AVEN: variants seen among roughly 807,000 people sequenced by gnomAD.
The protein encoded by AVEN is cell death regulator Aven.
A neutral mutation model predicts 38.1 loss-of-function variants in AVEN; 41 were observed. The observed-to-expected ratio is 1.08, with a 90% CI of 0.84 to 1.40. The LOEUF is 1.40. Ranked by LOEUF, AVEN falls within the 40% of genes most tolerant of loss-of-function variation. AVEN has a pLI of 0.00. For missense variants in AVEN, 605 were observed against 438.8 expected (o/e 1.38, Z -3.38); for synonymous variants, 206 against 171.8 (o/e 1.20, Z -1.56).
intron 1 of AVEN, among the ~76,000 whole-genome samples, chr15:34,024,003 G>GTT (rs1359538813): frequency 2.6e-5 from 4 of 152,112 alleles, no homozygotes; most frequent in Non-Finnish European, 2.9e-5. Flanking sequence ...GGTTTTAATC[G>GTT]TAACAGGAAA....
chr15:33,997,823 G>A (rs890786637), intron 2 of AVEN, among the ~76,000 whole-genome samples: 3 of 151,846 alleles, frequency 2.0e-5, no homozygotes, highest in African/African-American at 2.4e-5. Context: ...CCTTCCGTCC[G>A]GTCTTTCTGG....
At chr15:34,036,469 T>C (rs142960399) in intron 1 of AVEN, among the ~76,000 whole-genome samples, 31 of 152,314 alleles carry the variant, frequency 2.0e-4, no homozygotes, top group Admixed American at 1.6e-3. Flanking sequence ...TACTCTCTCC[T>C]TGGGGCACAA....
chr15:33,860,819 C>G (rs1238749041), intron 11 of AVEN, among the ~76,000 whole-genome samples: 1 of 150,876 alleles, frequency 6.6e-6, no homozygotes, highest in Non-Finnish European at 1.5e-5. Context: ...ATACCCCTGC[C>G]AGGCCGGCCA....
At chr15:34,037,395 T>C (rs1597377831) in intron 1 of AVEN, among the ~76,000 whole-genome samples, 1 of 151,718 alleles carries the variant, frequency 6.6e-6, no homozygotes, top group African/African-American at 2.4e-5. Context: ...TTGATATAAA[T>C]CCCAGCTCTG....
At chr15:33,930,685 G>A (rs147193274) in intron 2 of AVEN, among the ~76,000 whole-genome samples, 404 of 152,314 alleles carry the variant, frequency 2.7e-3, no homozygotes, top group African/African-American at 9.2e-3. Flanking sequence ...GCCGGGCGCG[G>A]TGGCTCACGC....
Position 34,063,653 on chromosome 15 carries a change from G to A in AVEN, n.1127-221C>T, listed in dbSNP as rs1435110267. ...GCAGCTACCCTTCCTCAGAGGATGA[G>A]GACAAGCCCGCCACTGACCCTGTCC... On this transcript the variant is annotated intron_variant and non_coding_transcript_variant, in intron 4 of 11. Coordinates refer to the AVEN transcript ENST00000675287. This position sits in a 1 kb window ranked among gnomAD's most constrained non-coding sequence, Gnocchi z 4.1. 1 of 1,614,130 alleles carries A rather than the reference G, an allele frequency of 6.2e-7. No homozygotes were observed. Among genetic ancestry groups the A allele is most frequent in the East Asian group, 2.2e-5 (1 of 44,868 alleles).
intron 5 of AVEN, 98 bp downstream of exon 5, chr15:33,867,397 A>G: frequency 6.9e-7 from 1 of 1,456,074 alleles, no homozygotes; most frequent in South Asian, 1.4e-5. Flanking sequence ...GATCAATGTC[A>G]GACACCCAGA....
In AVEN at chr15:33,870,916, A is replaced by G; in HGVS notation, c.612+19T>C. ...CCTGCCCTAATCCACCCGCTTCAAG[A>G]GGGCTTCGGGATTTTTACCTGGACC... On this transcript the variant is annotated intron_variant, in intron 4 of 5. Coordinates refer to ENST00000306730, the MANE Select transcript of AVEN (RefSeq NM_020371.3). 6.3e-7 allele frequency: 1 copy of G among 1,595,690 alleles called. No individual in the cohort carries two copies. The highest frequency in any genetic ancestry group is 8.6e-7 in the Non-Finnish European group (1 of 1,164,872).
chr15:33,936,439 CAA>C, intron 2 of AVEN, among the ~76,000 whole-genome samples: 1 of 152,058 alleles, frequency 6.6e-6, no homozygotes, highest in Non-Finnish European at 1.5e-5. Flanking sequence ...TAAAATATGT[CAA>C]AGACTCATGG....
intron 1 of AVEN, among the ~76,000 whole-genome samples, 159 bp downstream of exon 1, chr15:34,038,621 G>T (rs1352599827): frequency 7.2e-4 from 2 of 2,778 alleles, no homozygotes; most frequent in African/African-American, 8.6e-4. Flanking sequence ...GCCACCAGGC[G>T]CGCCCCCGCG....
intron 2 of AVEN, among the ~76,000 whole-genome samples, chr15:33,887,849 A>G (rs146487492): frequency 1.4e-4 from 21 of 152,254 alleles, no homozygotes; most frequent in African/African-American, 5.1e-4. Context: ...CTTGTCTGAC[A>G]CCTAAAATGT....
chr15:33,905,687 T>C (rs1175602030), intron 2 of AVEN, among the ~76,000 whole-genome samples: 1 of 151,814 alleles, frequency 6.6e-6, no homozygotes, highest in African/African-American at 2.4e-5. Flanking sequence ...TAGCCAGGAG[T>C]GCTGGCATGC....
chr15:33,961,551 T>A lies in AVEN; in HGVS notation c.445+41481A>T, dbSNP rs80258955. Among the ~76,000 whole-genome samples, 779 of 151,824 alleles carry A rather than the reference T, an allele frequency of 5.1e-3. 7 individuals carry two copies. Among genetic ancestry groups the A allele is most frequent in the South Asian group, 0.016 (75 of 4,794 alleles). On this transcript the variant is annotated intron_variant, in intron 2 of 5. Transcript: ENST00000306730. ...TGTCTGCACTGGGTGAGGTGGCTCATGCCTGTAATCCCAGCACTTTGGGAG... is the reference window on the plus strand; with the variant it reads ...TGTCTGCACTGGGTGAGGTGGCTCAAGCCTGTAATCCCAGCACTTTGGGAG...
the AVEN span, chr15:33,853,541 A>G: frequency 1.6e-5 from 26 of 1,612,676 alleles, no homozygotes; most frequent in African/African-American, 2.7e-5. Flanking sequence ...TCACCCTGTC[A>G]TCCTTTGCTT....
chr15:34,027,219 G>T (rs542636722), intron 1 of AVEN, among the ~76,000 whole-genome samples: 2 of 152,142 alleles, frequency 1.3e-5, no homozygotes, highest in African/African-American at 2.4e-5. Flanking sequence ...ACTCTGGTCT[G>T]CAGTTGCTTT....
At chr15:34,013,956 G>A (rs1271694004) in intron 1 of AVEN, among the ~76,000 whole-genome samples, 1 of 152,142 alleles carries the variant, frequency 6.6e-6, no homozygotes, top group Non-Finnish European at 1.5e-5. Context: ...AGAACAGAGG[G>A]AACTCACATT....
At chr15:33,941,499 T>C (rs549825040) in intron 2 of AVEN, among the ~76,000 whole-genome samples, 32 of 152,362 alleles carry the variant, frequency 2.1e-4, no homozygotes, top group Admixed American at 9.8e-4. Context: ...GGTCCAAGTA[T>C]GTAAACTGCT....
chr15:33,883,115 C>G (rs1447850707), intron 2 of AVEN, among the ~76,000 whole-genome samples: 1 of 152,152 alleles, frequency 6.6e-6, no homozygotes, highest in Non-Finnish European at 1.5e-5. Flanking sequence ...AGAAGACAAG[C>G]GTAGTTGCTG....
chr15:33,942,844 A>G (rs984659013), intron 2 of AVEN, among the ~76,000 whole-genome samples: 4 of 152,230 alleles, frequency 2.6e-5, no homozygotes, highest in African/African-American at 9.6e-5. Context: ...CAAAAGTTCT[A>G]TATTCCTTTC....
Sources: allele counts gnomAD v4.1 joint callset (sites outside exome capture counted in the v4.1 genomes callset), GRCh38; gene constraint gnomAD v4.1.1; non-coding constraint Gnocchi (gnomAD v3.1); transcripts MANE v1.5; gene names NCBI Gene and HGNC (gene_info 2026-07-23, HGNC 2026-07-21).